The following EXOC2 variants were observed in gnomAD, a reference collection of about 807,000 sequenced individuals.
EXOC2 encodes SEC5-like 1.
Under a neutral mutation model 131.8 loss-of-function variants are expected in EXOC2, and 70 were observed. The observed-to-expected ratio is 0.53, with a 90% CI of 0.44 to 0.65. The LOEUF is 0.65. Ranked by LOEUF, EXOC2 falls within the 30% of genes least tolerant of loss-of-function variation. The pLI, the probability that EXOC2 is intolerant of heterozygous loss-of-function variation, is 0.00. For missense variants in EXOC2, 923 were observed against 1,108.6 expected, an observed-to-expected ratio of 0.83 and a Z score of 2.38; for synonymous variants, 411 against 398.4, an observed-to-expected ratio of 1.03 and a Z score of -0.38.
At chr6:501,128 TTA>T (rs1214755207) in intron 23 of EXOC2, among the ~76,000 whole-genome samples, 1 of 63,156 alleles carries the variant, frequency 1.6e-5, no homozygotes, top group Non-Finnish European at 3.0e-5. Context: ...TCTATATATA[TTA>T]TATATATCTA....
At chr6:621,261 C>G (rs1053540864) in intron 4 of EXOC2, among the ~76,000 whole-genome samples, 1 of 152,226 alleles carries the variant, frequency 6.6e-6, no homozygotes, top group African/African-American at 2.4e-5. Flanking sequence ...GTCCCACTCA[C>G]CAGGCCTCAG....
intron 25 of EXOC2, among the ~76,000 whole-genome samples, chr6:496,402 T>C (rs895763526): frequency 2.6e-5 from 4 of 152,238 alleles, no homozygotes; most frequent in African/African-American, 9.6e-5. Context: ...ACTCTAACTC[T>C]TGGCTCTTGG....
At chr6:492,202 C>T (rs558586454) in intron 25 of EXOC2, among the ~76,000 whole-genome samples, 1 of 152,220 alleles carries the variant, frequency 6.6e-6, no homozygotes, top group East Asian at 1.9e-4. Context: ...AAAGGACGAC[C>T]CACAGAATGA....
At chr6:688,509 G>C (rs1159825489) in intron 1 of EXOC2, among the ~76,000 whole-genome samples, 3 of 152,216 alleles carry the variant, frequency 2.0e-5, no homozygotes, top group Non-Finnish European at 4.4e-5. Context: ...TAGATGCAGT[G>C]GGGGTGAGTG....
intron 23 of EXOC2, among the ~76,000 whole-genome samples, chr6:500,640 A>G (rs1284484516): frequency 2.0e-5 from 3 of 152,130 alleles, no homozygotes; most frequent in Non-Finnish European, 2.9e-5. Context: ...CCCCATAAAA[A>G]CAAAATACTG....
At chr6:584,892 T>C (rs927636693) in intron 11 of EXOC2, among the ~76,000 whole-genome samples, 1 of 152,188 alleles carries the variant, frequency 6.6e-6, no homozygotes, top group African/African-American at 2.4e-5. Flanking sequence ...AGCATATATT[T>C]TAACTCACAT....
At chr6:609,102 G>A (rs1014054956) in intron 7 of EXOC2, among the ~76,000 whole-genome samples, 10 of 152,310 alleles carry the variant, frequency 6.6e-5, no homozygotes, top group Admixed American at 2.0e-4. Context: ...GTCCTCAAAT[G>A]CTACTACCAA....
chr6:493,939 A>T (rs1310956871), intron 25 of EXOC2, among the ~76,000 whole-genome samples: 5 of 152,240 alleles, frequency 3.3e-5, no homozygotes, highest in African/African-American at 1.2e-4. Context: ...TTTAGCCATC[A>T]GATAAATGGA....
chr6:562,658 C>A (rs1025772378), intron 17 of EXOC2, 126 bp downstream of exon 17: 2 of 550,140 alleles, frequency 3.6e-6, no homozygotes, highest in East Asian at 6.7e-5. Flanking sequence ...GAGAAGAAAA[C>A]CTTTAAGAAG....
intron 22 of EXOC2, among the ~76,000 whole-genome samples, chr6:543,747 A>G (rs1050698943): frequency 6.6e-6 from 1 of 152,262 alleles, no homozygotes; most frequent in African/African-American, 2.4e-5. Flanking sequence ...GCTGTGGCTC[A>G]GTGATCCACA....
intron 23 of EXOC2, among the ~76,000 whole-genome samples, chr6:516,513 C>T (rs1039730111): frequency 2.0e-5 from 3 of 152,232 alleles, no homozygotes; most frequent in African/African-American, 7.2e-5. Flanking sequence ...CTCTGCAGGG[C>T]AGGCCTGAAG....
chr6:506,759 T>C lies in EXOC2; in HGVS notation c.2381-7059A>G, dbSNP rs1463458260. 2.6e-5 allele frequency among the ~76,000 whole-genome samples: 4 copies of C among 152,070 alleles called. No individual in the cohort carries two copies. Among genetic ancestry groups the C allele is most frequent in the African/African-American group, 9.7e-5 (4 of 41,376 alleles). The stretch of plus-strand genomic sequence containing the variant: ...GGCTCATCTCTACTGAGCAAGAACT[T>C]GTAGGCTGTTTCCTGTAAGCCAGCC... On this transcript the variant is annotated intron_variant, in intron 23 of 27. Transcript: ENST00000230449. The surrounding 1 kb of genome is among the most constrained non-coding windows in gnomAD (Gnocchi z 4.4).
chr6:594,332 T>C (rs1759698457), intron 10 of EXOC2, among the ~76,000 whole-genome samples: 1 of 152,220 alleles, frequency 6.6e-6, no homozygotes, highest in Admixed American at 6.5e-5. Context: ...GTGTCTTTCT[T>C]CCCAAAGAAC....
intron 1 of EXOC2, among the ~76,000 whole-genome samples, chr6:668,754 A>G (rs567068201): frequency 6.6e-5 from 10 of 152,328 alleles, no homozygotes; most frequent in African/African-American, 2.4e-4. Flanking sequence ...TTCCCTACAT[A>G]AAATTGCATA....
At chr6:650,497 CG>C (rs567256565) in intron 1 of EXOC2, among the ~76,000 whole-genome samples, 31 of 152,224 alleles carry the variant, frequency 2.0e-4, no homozygotes, top group Non-Finnish European at 3.8e-4. Context: ...TATTGTAAAA[CG>C]TTTTTACTGT....
rs371980411 is a variant in EXOC2, at chr6:552,860, CCACACA to C, written c.2121+988_2121+993del. On this transcript the variant is annotated intron_variant, in intron 21 of 27. Coordinates refer to ENST00000230449, the MANE Select transcript of EXOC2 (RefSeq NM_018303.6). ...AGTTTTACCTTGAGACAGACACAGACCACACACACACACACACACCCCCCCTTCAAA... is the reference window on the plus strand; with the variant it reads ...AGTTTTACCTTGAGACAGACACAGACCACACACACACACCCCCCCTTCAAA... Among the ~76,000 whole-genome samples the C allele has an allele frequency of 2.0e-5, 3 of 149,954 alleles. No homozygotes were observed. In the Admixed American group the frequency reaches 2.0e-4, roughly 10 times the overall value.
rs567059856 is a variant in EXOC2 at position 539,699 on chromosome 6, T to TA, written c.2239-7090dup. On this transcript the variant is annotated intron_variant, in intron 22 of 27. Coordinates refer to ENST00000230449, the MANE Select transcript of EXOC2 (RefSeq NM_018303.6). ...AAAACTTTTTGATAATAATGTTTTT[T>TA]AAAAATTATGCTTCCAAGAAAGAAA... 4.0e-3 allele frequency among the ~76,000 whole-genome samples: 609 copies of TA among 152,366 alleles called. 8 individuals are homozygous for TA. Among genetic ancestry groups the TA allele is most frequent in the African/African-American group, 0.013 (545 of 41,578 alleles).
intron 1 of EXOC2, among the ~76,000 whole-genome samples, chr6:645,373 C>T (rs1380714188): frequency 2.6e-5 from 4 of 151,954 alleles, no homozygotes; most frequent in Non-Finnish European, 4.4e-5. Context: ...ATTACCTGGG[C>T]GTAGGTAAAG....
chr6:669,749 G>A (rs1452988980), intron 1 of EXOC2: 3 of 152,324 alleles, frequency 2.0e-5, no homozygotes, highest in African/African-American at 4.8e-5. Flanking sequence ...TCCAGCTGAG[G>A]TGTCCTGTAG....
Sources: allele counts gnomAD v4.1 joint callset (sites outside exome capture counted in the v4.1 genomes callset), GRCh38; gene constraint gnomAD v4.1.1; non-coding constraint Gnocchi (gnomAD v3.1); transcripts MANE v1.5; gene names NCBI Gene and HGNC (gene_info 2026-07-23, HGNC 2026-07-21).